The following PCDHGA3 variants were observed in gnomAD, a reference collection of about 807,000 sequenced individuals.
The protein encoded by PCDHGA3 is protocadherin gamma-A3.
Under a neutral mutation model 58.5 loss-of-function variants are expected in PCDHGA3, and 40 were observed. The observed-to-expected ratio is 0.68, with a 90% CI of 0.53 to 0.89. The LOEUF (loss-of-function observed/expected upper bound fraction) is 0.89. Ranked by LOEUF, PCDHGA3 falls within the 40% of genes least tolerant of loss-of-function variation. PCDHGA3 has a pLI of 0.00. For missense variants in PCDHGA3, 1,223 were observed against 1,195.9 expected, an observed-to-expected ratio of 1.02 and a Z score of -0.33; for synonymous variants, 530 against 525.7, an observed-to-expected ratio of 1.01 and a Z score of -0.11.
Position 141,477,865 on chromosome 5 carries a change from T to A in PCDHGA3, c.2425-16942T>A, listed in dbSNP as rs1380570615. On this transcript the variant is annotated intron_variant, in intron 1 of 3. Transcript: ENST00000253812. This position sits in a 1 kb window ranked among gnomAD's most constrained non-coding sequence, Gnocchi z 4.9. ...GCTCGGTGGAGATGCTGCCTCGAGG[T>A]ACCTCAGCTGGCCACCTAGTGTCAC... 6.2e-7 allele frequency: 1 copy of A among 1,612,698 alleles called. No individual in the cohort carries two copies. Among genetic ancestry groups the A allele is most frequent in the Non-Finnish European group, 8.5e-7 (1 of 1,179,562 alleles).
chr5:141,487,477 C>A lies in PCDHGA3; in HGVS notation c.2425-7330C>A, dbSNP rs748435479. On this transcript the variant is annotated intron_variant, in intron 1 of 3. Transcript: ENST00000253812. The surrounding 1 kb of genome is among the most constrained non-coding windows in gnomAD (Gnocchi z 5.0). ...TCAAGTTTGTTGATGTGGGAGGCCA[C>A]TCTCATGGCTGTACACCCTTGGCTT... 1 of 1,614,200 alleles carries A rather than the reference C, an allele frequency of 6.2e-7. No individual in the cohort carries two copies. The highest frequency in any genetic ancestry group is 1.7e-5 in the Admixed American group (1 of 60,030).
chr5:141,475,008 T>C (rs1292437400), intron 1 of PCDHGA3, among the ~76,000 whole-genome samples: 1 of 152,258 alleles, frequency 6.6e-6, no homozygotes, highest in Admixed American at 6.5e-5. Flanking sequence ...TGCAGAAAAG[T>C]TAAGGCTCTT....
At chr5:141,419,325 A>C in intron 1 of PCDHGA3, 1 of 1,613,702 alleles carries the variant, frequency 6.2e-7, no homozygotes, top group African/African-American at 1.3e-5. Flanking sequence ...CGTGTCTCCT[A>C]CTCTCTCATT....
chr5:141,426,717 G>A (rs974405285), intron 1 of PCDHGA3: 1 of 446,052 alleles, frequency 2.2e-6, no homozygotes, highest in African/African-American at 2.0e-5. Flanking sequence ...CAATGAACTA[G>A]CAATTCCAGG....
rs1018272442 is a variant in PCDHGA3 at position 141,419,770 on chromosome 5, G to T, written c.2424+73313G>T. The stretch of plus-strand genomic sequence containing the variant: ...TGCGTGCTTTGGGTGACAAGGACTC[G>T]GTCCGCCAGCGCCTGCTAGTCGCTG... On this transcript the variant is annotated intron_variant, in intron 1 of 3. Transcript: ENST00000253812. 6.2e-6 allele frequency: 10 copies of T among 1,613,888 alleles called. No homozygotes were observed. The African/African-American group carries it at 1.2e-4, about 19-fold the overall frequency.
At chr5:141,483,988 G>A (rs78891657) in intron 1 of PCDHGA3, among the ~76,000 whole-genome samples, 1,520 of 149,036 alleles carry the variant, frequency 0.01, 30 homozygotes, top group African/African-American at 0.037. Flanking sequence ...TAGCTAGGTT[G>A]CTGGGAGGTC....
intron 1 of PCDHGA3, chr5:141,393,440 C>T (rs777552488): frequency 1.7e-5 from 27 of 1,613,924 alleles, no homozygotes; most frequent in Non-Finnish European, 2.3e-5. Context: ...CTGCTCACCA[C>T]CTGGTCCTCA....
chr5:141,359,142 A>T (rs903512422), intron 1 of PCDHGA3, among the ~76,000 whole-genome samples: 1 of 152,224 alleles, frequency 6.6e-6, no homozygotes, highest in Non-Finnish European at 1.5e-5. Context: ...AGTAAGCTGG[A>T]ATATGATATG....
At chr5:141,455,860 A>ATTAT (rs145569377) in intron 1 of PCDHGA3, among the ~76,000 whole-genome samples, 7,190 of 139,786 alleles carry the variant, frequency 0.051, 228 homozygotes, top group South Asian at 0.064. Context: ...AATTTCTTTT[A>ATTAT]TTATTTATTT....
rs539072548 is a variant in PCDHGA3 at position 141,421,546 on chromosome 5, A to G, written c.2425-73261A>G. 4.3e-6 allele frequency: 7 copies of G among 1,613,896 alleles called. No homozygotes were observed. The South Asian group carries it at 4.4e-5, about 10-fold the overall frequency. ...GACGGTGTCCTCCTGTTTTTTAAAT[A>G]TGGAACTTCTCGTGGAAGACACCTT... On this transcript the variant is annotated intron_variant, in intron 1 of 3. Transcript: ENST00000253812.
chr5:141,494,323 A>T (rs1188768690), intron 1 of PCDHGA3, among the ~76,000 whole-genome samples: 1 of 152,210 alleles, frequency 6.6e-6, no homozygotes, highest in Non-Finnish European at 1.5e-5. Flanking sequence ...CCTGGCACCA[A>T]AAGGGTTACC....
chr5:141,361,966 G>T (rs763102211), intron 1 of PCDHGA3: 1 of 1,601,844 alleles, frequency 6.2e-7, no homozygotes, highest in African/African-American at 1.3e-5. Context: ...CGTGCTGCAG[G>T]CCAGCGAGCC....
intron 1 of PCDHGA3, among the ~76,000 whole-genome samples, chr5:141,436,522 C>T (rs933890051): frequency 3.9e-5 from 6 of 152,088 alleles, no homozygotes; most frequent in African/African-American, 1.4e-4. Context: ...ACTGTGTCAC[C>T]TTTAGCAAGT....
chr5:141,468,952 G>GA (rs2099186671), intron 1 of PCDHGA3, among the ~76,000 whole-genome samples: 1 of 151,198 alleles, frequency 6.6e-6, no homozygotes. Context: ...TAAACCTGTG[G>GA]TTTTTTTTAC....
chr5:141,393,007 G>A (rs1486010375), intron 1 of PCDHGA3: 3 of 1,613,850 alleles, frequency 1.9e-6, no homozygotes, highest in East Asian at 2.2e-5. Context: ...CACGGAGTCC[G>A]TATCGTCTCC....
Position 141,491,699 on chromosome 5 carries a change from A to G in PCDHGA3, c.2425-3108A>G. The G allele has an allele frequency of 6.2e-7, 1 of 1,612,008 alleles. No individual in the cohort carries two copies. The highest frequency in any genetic ancestry group is 1.1e-5 in the South Asian group (1 of 90,926). ...TCTAATACGCTGCGGGAGCGGAGCC[A>G]GGTGAGGGGCTCGGCGCCGCCCCGG... On this transcript the variant is annotated intron_variant, in intron 1 of 3. Transcript: ENST00000253812. The surrounding 1 kb of genome is among the most constrained non-coding windows in gnomAD (Gnocchi z 6.9).
At position 141,491,134 on chromosome 5, in the gene PCDHGA3, C is replaced by T. The variant is rs1594979273; in HGVS notation, c.2425-3673C>T. Reference sequence around the variant, plus strand: ...ACACACTGGTGAGGTGCGCACAGCCCGGGCCTTACTGGAGGATGACTCTGA... The same window carrying T: ...ACACACTGGTGAGGTGCGCACAGCCTGGGCCTTACTGGAGGATGACTCTGA... On this transcript the variant is annotated intron_variant, in intron 1 of 3. Transcript: ENST00000253812. The surrounding 1 kb of genome is among the most constrained non-coding windows in gnomAD (Gnocchi z 6.9). The T allele has an allele frequency of 6.2e-7, 1 of 1,614,138 alleles. No homozygotes were observed. Among genetic ancestry groups the T allele is most frequent in the Non-Finnish European group, 8.5e-7 (1 of 1,179,994 alleles).
At chr5:141,357,636 T>C (rs1760683281) in intron 1 of PCDHGA3, 6 of 1,612,636 alleles carry the variant, frequency 3.7e-6, no homozygotes, top group Non-Finnish European at 4.2e-6. Flanking sequence ...GTCAATCTTA[T>C]AATAGATCAT....
rs761528900 is a variant in PCDHGA3 at position 141,376,319 on chromosome 5, G to A, written c.2424+29862G>A. The A allele has an allele frequency of 2.5e-6, 4 of 1,614,220 alleles. No homozygotes were observed. In the East Asian group the frequency reaches 6.7e-5, roughly 27 times the overall value. On this transcript the variant is annotated intron_variant, in intron 1 of 3. Coordinates refer to ENST00000253812, the MANE Select transcript of PCDHGA3 (RefSeq NM_018916.4). ...CTCGCACTTTGTGGGCGTGGAAGGGGTTCGGGCTTTCCTGCAGACCTATTC... is the reference window on the plus strand; with the variant it reads ...CTCGCACTTTGTGGGCGTGGAAGGGATTCGGGCTTTCCTGCAGACCTATTC...
Sources: gnomAD v4.1 joint callset for allele counts (sites outside exome capture counted in the v4.1 genomes callset) on GRCh38, gnomAD v4.1.1 for gene constraint, Gnocchi (gnomAD v3.1) non-coding constraint, MANE v1.5 for transcripts, NCBI Gene and HGNC (gene_info 2026-07-23, HGNC 2026-07-21) for gene names.